The following MAP7D3 variants were observed in gnomAD, a reference collection of about 807,000 sequenced individuals.
The protein encoded by MAP7D3 is MAP7 domain containing 3.
A neutral mutation model predicts 62.2 loss-of-function variants in MAP7D3; 45 were observed. The observed-to-expected ratio is 0.72, with a 90% CI of 0.57 to 0.93. The LOEUF (loss-of-function observed/expected upper bound fraction) is 0.93, where lower values mean the gene tolerates loss of function less well. Ranked by LOEUF, MAP7D3 falls within the 40% of genes least tolerant of loss-of-function variation. The probability of loss-of-function intolerance (pLI) is 0.00; values close to 1 mark genes in which losing one functional copy is unlikely to be tolerated. For missense variants in MAP7D3, 711 were observed against 683.1 expected (o/e 1.04, Z -0.45); for synonymous variants, 288 against 248.8 (o/e 1.16, Z -1.48).
chrX:136,228,573 T>C, intron 11 of MAP7D3, 50 bp downstream of exon 11: 1 of 1,124,304 alleles, frequency 8.9e-7, no homozygotes, highest in Non-Finnish European at 1.2e-6. Flanking sequence ...TTTCAAAAAT[T>C]TGGGCCCCAC....
chrX:136,249,458 GTGTTT>G (rs1372443659), intron 1 of MAP7D3, among the ~76,000 whole-genome samples: 6 of 112,245 alleles, frequency 5.3e-5, no homozygotes, highest in Non-Finnish European at 1.1e-4. Flanking sequence ...ATATAAACAC[GTGTTT>G]TGTTAAATAT....
intron 7 of MAP7D3, among the ~76,000 whole-genome samples, chrX:136,235,555 C>T (rs2074319816): frequency 9.0e-6 from 1 of 111,359 alleles, no homozygotes; most frequent in African/African-American, 3.3e-5. Flanking sequence ...TCAAGACCAG[C>T]CTGACCAACA....
At position 136,220,874 on chromosome X, in the gene MAP7D3, C is replaced by A; in HGVS notation, c.2377G>T (p.Asp793Tyr). 8.3e-7 allele frequency: 1 copy of A among 1,202,686 alleles called. No individual in the cohort carries two copies. Among genetic ancestry groups the A allele is most frequent in the Admixed American group, 2.2e-5 (1 of 45,789 alleles). ...TCTTTACGGACCTGGCTGGTACCAT[C>A]TTCTAGAAATACCAGCTTGTGTGTC... is the stretch of plus-strand genomic sequence containing the variant. Reference protein sequence around the residue: ...KMTHKLVFLEDGTSQVRKEPK... With the variant: ...KMTHKLVFLEYGTSQVRKEPK... The change falls in exon 16 of 19, where the codon GAT becomes TAT. Residue 793 changes from aspartate (D) to tyrosine (Y), a missense_variant. Physicochemically the swap from Asp to Tyr is radical, Grantham distance 160. Transcript: ENST00000316077.
chrX:136,227,543 C>T, intron 11 of MAP7D3, 112 bp from the exon 12 acceptor site: 2 of 473,486 alleles, frequency 4.2e-6, no homozygotes, highest in South Asian at 4.5e-5. Flanking sequence ...AATTTATATC[C>T]ACACCAGAGT....
intron 14 of MAP7D3, among the ~76,000 whole-genome samples, chrX:136,223,880 AT>A (rs753891012): frequency 1.8e-5 from 2 of 108,282 alleles, no homozygotes; most frequent in East Asian, 2.9e-4. Flanking sequence ...CTACAAAAAA[AT>A]AAATAAATAA....
chrX:136,256,247 C>T (rs750231733), upstream of MAP7D3: 44 of 1,150,322 alleles, frequency 3.8e-5, no homozygotes, highest in Admixed American at 4.2e-4. Flanking sequence ...AATCTACTCA[C>T]ATTTTCCTTC....
Position 136,220,940 on chromosome X carries a change from G to A in MAP7D3, c.2311C>T (p.Pro771Ser), listed in dbSNP as rs1289320780. The change falls in exon 16 of 19, where the codon CCT becomes TCT. Residue 771 changes from proline to serine, a missense_variant. Pro to Ser is a moderately conservative substitution (Grantham distance 74). Transcript: ENST00000316077. ...PSAILNGTGS[P>S]TKFKMPFNNA... ...TTGAACGGCATTTTAAATTTGGTAG[G>A]TGAGCCTGTGCCATTTAGAATGGCT... 2.5e-6 allele frequency: 3 copies of A among 1,200,934 alleles called. No homozygotes were observed. The Admixed American group carries it at 6.5e-5, about 26-fold the overall frequency.
At chrX:136,253,785 C>T (rs1016501971), upstream of MAP7D3, among the ~76,000 whole-genome samples, 2 of 111,298 alleles carry the variant, frequency 1.8e-5, no homozygotes, top group Non-Finnish European at 3.8e-5. Context: ...TCAGGAGTTC[C>T]AGACCAGCCT....
chrX:136,232,605 G>A (rs2074284714), intron 7 of MAP7D3, among the ~76,000 whole-genome samples: 1 of 112,061 alleles, frequency 8.9e-6, no homozygotes. Context: ...ATCTTCGCCA[G>A]GGCTAGAGAT....
chrX:136,215,517 A>G (rs1260995495), downstream of MAP7D3, among the ~76,000 whole-genome samples: 2 of 111,957 alleles, frequency 1.8e-5, no homozygotes, highest in Non-Finnish European at 3.8e-5. Flanking sequence ...CAGGGCTCCC[A>G]CTGATTCTAC....
chrX:136,236,100 G>A (rs1408747211), intron 7 of MAP7D3, 144 bp downstream of exon 7: 4 of 413,347 alleles, frequency 9.7e-6, no homozygotes, highest in African/African-American at 5.1e-5. Flanking sequence ...AGCCAAATAA[G>A]CATGGCACCA....
chrX:136,229,993 AT>A lies in MAP7D3; in HGVS notation c.1750+391del, dbSNP rs1173283842. On this transcript the variant is annotated intron_variant, in intron 10 of 18. Coordinates refer to ENST00000316077, the MANE Select transcript of MAP7D3 (RefSeq NM_024597.4). ...TATATATATATATATATATATATAT[AT>A]TTTTTTTTTTTTTGTAGAAACAGGG... 7.4e-3 allele frequency among the ~76,000 whole-genome samples: 357 copies of A among 48,077 alleles called. 3 individuals carry two copies. The highest frequency in any genetic ancestry group is 0.02 in the South Asian group (16 of 782). 41.7% of individuals were successfully genotyped at this position (48,077 alleles called of 115,157 possible). A position where few individuals can be genotyped will look rare whatever the true frequency, so the allele number is the denominator to read the frequency against.
chrX:136,226,003 G>A lies in MAP7D3; in HGVS notation c.2045C>T (p.Ala682Val). ...AGCTTCCTCTTGAGCTTTTATTTTGGCGTCCCCTTTCTAGGAAATTTGCAT... is the reference window on the plus strand; with the variant it reads ...AGCTTCCTCTTGAGCTTTTATTTTGACGTCCCCTTTCTAGGAAATTTGCAT... ...DQEAPLQKGD[A>V]KIKAQEEADK... The change falls in exon 13 of 19, where the codon GCC (alanine) becomes GTC (valine). Residue 682 changes from alanine (A) to valine (V), a missense_variant. Ala to Val is a moderately conservative substitution (Grantham distance 64, BLOSUM62 0). Transcript: ENST00000316077. 1 of 1,184,902 alleles carries A rather than the reference G, an allele frequency of 8.4e-7. No homozygotes were observed.
At chrX:136,241,340 T>C in intron 4 of MAP7D3, 63 bp from the exon 5 acceptor site, 1 of 665,945 alleles carries the variant, frequency 1.5e-6, no homozygotes, top group South Asian at 2.6e-5. Context: ...TTTTGATCTG[T>C]GGTTTATAAA....
rs1373634845 is a variant in MAP7D3 at position 136,240,457 on chromosome X, G to A, written c.565C>T (p.Leu189Phe). ...ATTAAAGCAGAAGTACCCTGTTCAA[G>A]TTTTTCAGTAGATGCAGATCGTTTA... ...ANKRSASTEK[L>F]EQGTSALIRQ... Residue 189 changes from leucine to phenylalanine, a missense_variant, in exon 6 of 19, where the codon CTT becomes TTT. Transcript: ENST00000316077. 1 of 1,193,694 alleles carries A rather than the reference G, an allele frequency of 8.4e-7. No homozygotes were observed. Among genetic ancestry groups the A allele is most frequent in the Non-Finnish European group, 1.1e-6 (1 of 879,384 alleles).
rs1278016962 is a variant in MAP7D3 at position 136,218,390 on chromosome X, G to T, written c.*136C>A. 8.9e-6 allele frequency: 1 copy of T among 112,208 alleles called. No individual in the cohort carries two copies. The highest frequency in any genetic ancestry group is 2.8e-4 in the East Asian group (1 of 3,581). 9.2% of individuals were successfully genotyped at this position (112,208 alleles called of 1,213,427 possible). On this transcript the variant is annotated 3_prime_UTR_variant, in exon 19 of 19. Coordinates refer to ENST00000316077, the MANE Select transcript of MAP7D3 (RefSeq NM_024597.4). ...TTTTCGGTGTCACTTCCTTTACCAG[G>T]TTCAAGTCAGAAGCAGAAAAATTTG...
intron 1 of MAP7D3, among the ~76,000 whole-genome samples, chrX:136,246,545 T>C (rs1356069161): frequency 2.6e-4 from 29 of 112,129 alleles, no homozygotes. Context: ...TTAAAGTGTT[T>C]ACTATGATGG....
chrX:136,252,191 G>T (rs2074520641), upstream of MAP7D3, among the ~76,000 whole-genome samples: 1 of 110,985 alleles, frequency 9.0e-6, no homozygotes, highest in Non-Finnish European at 1.9e-5. Flanking sequence ...GCAGTTTATG[G>T]TTGGGGCCAT....
upstream of MAP7D3, chrX:136,251,660 C>G (rs977185150): frequency 6.6e-6 from 3 of 453,006 alleles, no homozygotes; most frequent in South Asian, 2.3e-4. Context: ...CTTGGCCCCC[C>G]CAACATTCCT....
Sources: gnomAD v4.1 joint callset for allele counts (sites outside exome capture counted in the v4.1 genomes callset) on GRCh38, gnomAD v4.1.1 for gene constraint, MANE v1.5 for transcripts, NCBI Gene and HGNC (gene_info 2026-07-23, HGNC 2026-07-21) for gene names.